The following EPG5 variants were observed in gnomAD, a reference collection of about 807,000 sequenced individuals.
The protein encoded by EPG5 is ectopic P-granules 5 autophagy tethering factor.
EPG5 carries 159 observed loss-of-function variants against 302.7 expected under a neutral mutation model. The ratio of observed to expected loss-of-function variants is 0.53; its 90% CI spans 0.46 to 0.60. The LOEUF is 0.60. EPG5 is among the 20% of genes least tolerant of loss of function. The pLI is 0.00. For synonymous variants in EPG5, 1,158 were observed against 1,136.8 expected, an observed-to-expected ratio of 1.02 and a Z score of -0.37; for missense variants, 2,896 against 3,092.4, an observed-to-expected ratio of 0.94 and a Z score of 1.51.
chr18:45,948,359 C>T, intron 6 of EPG5, 144 bp downstream of exon 6: 1 of 671,098 alleles, frequency 1.5e-6, no homozygotes, highest in Admixed American at 2.8e-5. Flanking sequence ...AGTATCAAAC[C>T]CAAAGAAAAT....
chr18:45,943,134 A>C, intron 9 of EPG5, 27 bp downstream of exon 9: 1 of 1,609,592 alleles, frequency 6.2e-7, no homozygotes, highest in Middle Eastern at 1.7e-4. Context: ...AAAGGAACAG[A>C]GAAGGGTAGA....
At chr18:45,858,161 G>T (rs572032911) in intron 41 of EPG5, 93 bp from the exon 42 acceptor site, 1 of 912,994 alleles carries the variant, frequency 1.1e-6, no homozygotes, top group South Asian at 1.6e-5. Context: ...AAGGATAGGA[G>T]ACATTCAGTA....
intron 11 of EPG5, among the ~76,000 whole-genome samples, chr18:45,931,373 A>C (rs898097858): frequency 3.9e-5 from 6 of 152,242 alleles, no homozygotes. Context: ...AATACTAATG[A>C]ATGTCATAAA....
Position 45,847,896 on chromosome 18 carries a change from G to A in EPG5, c.*4571C>T, listed in dbSNP as rs188815214. On this transcript the variant is annotated 3_prime_UTR_variant, in exon 44 of 44. Coordinates refer to ENST00000282041, the MANE Select transcript of EPG5 (RefSeq NM_020964.3). The stretch of plus-strand genomic sequence containing the variant: ...AAAATAAATTCTATCAGTGCTCAAT[G>A]AGAGACAGTACATCTGTACATTAAA... 8 of 152,606 alleles carry A rather than the reference G, an allele frequency of 5.2e-5. No homozygotes were observed. The highest frequency in any genetic ancestry group is 1.7e-4 in the African/African-American group (7 of 41,518). The allele number at this position is 152,606 out of a possible 1,614,324, so 9.5% of individuals were successfully genotyped here. A position where few individuals can be genotyped will look rare whatever the true frequency, so the allele number is the denominator to read the frequency against.
intron 29 of EPG5, among the ~76,000 whole-genome samples, chr18:45,886,852 T>C (rs1454544310): frequency 1.3e-5 from 2 of 152,136 alleles, no homozygotes; most frequent in Non-Finnish European, 2.9e-5. Flanking sequence ...GAGGCAGGGT[T>C]TCTTCATGTT....
intron 10 of EPG5, among the ~76,000 whole-genome samples, chr18:45,937,257 C>T (rs866461283): frequency 0.028 from 3,998 of 145,330 alleles, 200 homozygotes; most frequent in African/African-American, 0.1. Flanking sequence ...CACACACACA[C>T]ACACACACAC....
chr18:45,902,113 G>A (rs2049633619), intron 25 of EPG5, among the ~76,000 whole-genome samples: 1 of 152,200 alleles, frequency 6.6e-6, no homozygotes, highest in African/African-American at 2.4e-5. Flanking sequence ...GGACTACAGT[G>A]AATTTCCGAT....
chr18:45,805,705 T>C, the EPG5 span, among the ~76,000 whole-genome samples: 3 of 152,134 alleles, frequency 2.0e-5, no homozygotes, highest in African/African-American at 7.2e-5. Flanking sequence ...TGCAATGCCA[T>C]GCCAGAAAAA....
chr18:45,916,746 A>C, intron 17 of EPG5, 164 bp from the exon 18 acceptor site: 1 of 644,052 alleles, frequency 1.6e-6, no homozygotes. Flanking sequence ...CACATTTAAC[A>C]TGGGTTAAAA....
chr18:45,947,908 G>A (rs1037279599), intron 6 of EPG5, among the ~76,000 whole-genome samples: 1 of 152,106 alleles, frequency 6.6e-6, no homozygotes, highest in African/African-American at 2.4e-5. Context: ...AAGTAGCTGG[G>A]ATTATAGGTG....
At chr18:45,828,012 G>C in the EPG5 span, among the ~76,000 whole-genome samples, 1 of 152,204 alleles carries the variant, frequency 6.6e-6, no homozygotes, top group Admixed American at 6.5e-5. Flanking sequence ...CTGCTTCACA[G>C]TTAGAACCAG....
the EPG5 span, among the ~76,000 whole-genome samples, chr18:45,812,525 A>G: frequency 6.6e-6 from 1 of 152,208 alleles, no homozygotes; most frequent in African/African-American, 2.4e-5. Context: ...ACTATACTAC[A>G]AGGCTACAGT....
At chr18:45,882,577 C>G in intron 30 of EPG5, 90 bp from the exon 31 acceptor site, 1 of 893,482 alleles carries the variant, frequency 1.1e-6, no homozygotes, top group Non-Finnish European at 1.7e-6. Context: ...AGTTTAAAAG[C>G]CAAAAATTAC....
chr18:45,819,218 C>A, the EPG5 span, among the ~76,000 whole-genome samples: 37 of 152,120 alleles, frequency 2.4e-4, no homozygotes, highest in African/African-American at 8.5e-4. Flanking sequence ...ATTAATTGCT[C>A]ATCTGGAATA....
intron 34 of EPG5, among the ~76,000 whole-genome samples, chr18:45,877,558 T>C (rs967161991): frequency 8.5e-5 from 13 of 152,218 alleles, no homozygotes; most frequent in Non-Finnish European, 1.9e-4. Context: ...TATAAAATCC[T>C]GAAGCTTGCA....
chr18:45,928,783 C>A, intron 13 of EPG5, 86 bp downstream of exon 13: 1 of 1,324,930 alleles, frequency 7.5e-7, no homozygotes, highest in Non-Finnish European at 1.0e-6. Context: ...GTGACAAGAT[C>A]ATTCCCAAGA....
At chr18:45,944,800 G>A (rs2050751462) in intron 7 of EPG5, among the ~76,000 whole-genome samples, 1 of 152,186 alleles carries the variant, frequency 6.6e-6, no homozygotes, top group African/African-American at 2.4e-5. Flanking sequence ...TATGTTAGCT[G>A]CAATTCTCTT....
chr18:45,964,801 C>T (rs1187398050), intron 1 of EPG5, among the ~76,000 whole-genome samples: 4 of 152,082 alleles, frequency 2.6e-5, no homozygotes, highest in Non-Finnish European at 5.9e-5. Context: ...AACCTCATCT[C>T]CACTAACAAT....
the EPG5 span, chr18:45,837,867 G>A: frequency 4.6e-6 from 7 of 1,532,528 alleles, no homozygotes; most frequent in Non-Finnish European, 6.1e-6. Context: ...CGCTACGAGA[G>A]CCGCCACGGC....
Sources: gnomAD v4.1 joint callset for allele counts (sites outside exome capture counted in the v4.1 genomes callset) on GRCh38, gnomAD v4.1.1 for gene constraint, MANE v1.5 for transcripts, NCBI Gene and HGNC (gene_info 2026-07-23, HGNC 2026-07-21) for gene names.